ANO2: variants seen among roughly 807,000 people sequenced by gnomAD.
ANO2 encodes anoctamin-2.
A neutral mutation model predicts 124.2 loss-of-function variants in ANO2; 101 were observed. The observed-to-expected ratio is 0.81, with a 90% CI of 0.69 to 0.96. The LOEUF (loss-of-function observed/expected upper bound fraction) is 0.96, where lower values mean the gene tolerates loss of function less well. Ranked by LOEUF, ANO2 falls within the 40% of genes least tolerant of loss-of-function variation. The probability of loss-of-function intolerance (pLI) is 0.00; values close to 1 mark genes in which losing one functional copy is unlikely to be tolerated. For missense variants in ANO2, 1,293 were observed against 1,274.5 expected (o/e 1.01, Z -0.22); for synonymous variants, 486 against 482.5 (o/e 1.01, Z -0.09).
intron 3 of ANO2, among the ~76,000 whole-genome samples, chr12:5,887,845 T>G (rs562182846): frequency 9.9e-4 from 151 of 152,238 alleles, no homozygotes; most frequent in African/African-American, 3.6e-3. Context: ...TTTTCTTTTT[T>G]TTTTTTAGTG....
chr12:5,837,888 C>T (rs1954380822), intron 4 of ANO2, among the ~76,000 whole-genome samples: 1 of 151,616 alleles, frequency 6.6e-6, no homozygotes, highest in South Asian at 2.1e-4. Flanking sequence ...GAAATAGAGA[C>T]ACAAAAAACC....
intron 7 of ANO2, among the ~76,000 whole-genome samples, chr12:5,815,511 T>C (rs1218956928): frequency 6.6e-6 from 1 of 152,156 alleles, no homozygotes; most frequent in East Asian, 1.9e-4. Flanking sequence ...GTGGAGAATA[T>C]ATGTAGACAT....
intron 14 of ANO2, among the ~76,000 whole-genome samples, chr12:5,685,793 C>G (rs893035558): frequency 3.9e-5 from 5 of 127,746 alleles, no homozygotes; most frequent in African/African-American, 1.2e-4. Context: ...AACAACAAAA[C>G]AAAACAAAAA....
intron 23 of ANO2, among the ~76,000 whole-genome samples, chr12:5,568,038 C>A (rs1426038644): frequency 6.6e-6 from 1 of 151,728 alleles, no homozygotes; most frequent in East Asian, 1.9e-4. Context: ...ACACAGACTG[C>A]AATAAAAATT....
chr12:5,632,260 G>A (rs1207567543), intron 16 of ANO2, among the ~76,000 whole-genome samples: 1 of 151,892 alleles, frequency 6.6e-6, no homozygotes. Flanking sequence ...GGTTCCTGAT[G>A]GAGACCCAAC....
chr12:5,868,898 C>G (rs77064232), intron 3 of ANO2, among the ~76,000 whole-genome samples: 1,568 of 152,168 alleles, frequency 0.01, 27 homozygotes, highest in African/African-American at 0.036. Context: ...TGAGAAGGGA[C>G]CTAGGGAGTT....
chr12:5,835,872 C>A (rs1954297797), intron 4 of ANO2, among the ~76,000 whole-genome samples: 1 of 152,212 alleles, frequency 6.6e-6, no homozygotes, highest in Non-Finnish European at 1.5e-5. Flanking sequence ...GAAAGAAGAC[C>A]ACCTCACACT....
intron 1 of ANO2, among the ~76,000 whole-genome samples, chr12:5,931,291 C>T (rs996018892): frequency 6.6e-6 from 1 of 152,092 alleles, no homozygotes; most frequent in Non-Finnish European, 1.5e-5. Flanking sequence ...TCATGCCAGG[C>T]TCCAAGCACA....
At chr12:5,790,846 G>A (rs1311427922) in intron 10 of ANO2, among the ~76,000 whole-genome samples, 1 of 152,098 alleles carries the variant, frequency 6.6e-6, no homozygotes, top group Non-Finnish European at 1.5e-5. Context: ...CTGATGCAGG[G>A]ACTGACTCTT....
intron 3 of ANO2, among the ~76,000 whole-genome samples, chr12:5,916,347 G>C (rs1941373342): frequency 6.6e-6 from 1 of 151,734 alleles, no homozygotes; most frequent in Non-Finnish European, 1.5e-5. Context: ...AAAATAAAGT[G>C]CTAGAGAAAA....
chr12:5,602,920 C>G (rs1023590109), intron 19 of ANO2, among the ~76,000 whole-genome samples: 1 of 152,104 alleles, frequency 6.6e-6, no homozygotes, highest in Non-Finnish European at 1.5e-5. Flanking sequence ...ACTCCTATAC[C>G]CAGCCAAAGT....
At chr12:5,777,054 T>A (rs920637883) in intron 10 of ANO2, among the ~76,000 whole-genome samples, 1 of 152,084 alleles carries the variant, frequency 6.6e-6, no homozygotes, top group Admixed American at 6.5e-5. Context: ...TATGTGCAAA[T>A]ACACAAAGAA....
chr12:5,667,603 G>A (rs1211691082), intron 14 of ANO2, among the ~76,000 whole-genome samples: 1 of 152,098 alleles, frequency 6.6e-6, no homozygotes, highest in Non-Finnish European at 1.5e-5. Flanking sequence ...TTGTTACATA[G>A]GTAAACGTGT....
rs1032333886 is a variant in ANO2 at position 5,908,249 on chromosome 12, A to C, written c.534+12791T>G. On this transcript the variant is annotated intron_variant, in intron 3 of 24. Transcript: ENST00000682330. This position sits in a 1 kb window ranked among gnomAD's most constrained non-coding sequence, Gnocchi z 4.7. The stretch of plus-strand genomic sequence containing the variant: ...CACAGGTCCTCTCTGAGGCCTGAGA[A>C]GCCTTCACCCTCCAACGGCCTGTGG... Among the ~76,000 whole-genome samples, 3 of 152,246 alleles carry C rather than the reference A, an allele frequency of 2.0e-5. No homozygotes were observed. Among genetic ancestry groups the C allele is most frequent in the Non-Finnish European group, 2.9e-5 (2 of 68,038 alleles).
chr12:5,841,928 AG>A (rs1204429270), intron 4 of ANO2, among the ~76,000 whole-genome samples: 1 of 152,036 alleles, frequency 6.6e-6, no homozygotes, highest in Non-Finnish European at 1.5e-5. Context: ...GGAGTGCAGT[AG>A]TATGATTATA....
intron 14 of ANO2, among the ~76,000 whole-genome samples, chr12:5,685,050 T>C (rs1465624740): frequency 2.0e-5 from 3 of 152,108 alleles, no homozygotes; most frequent in African/African-American, 7.2e-5. Flanking sequence ...GAAGTCAGAG[T>C]TCTTTTTGTT....
At chr12:5,829,901 C>T (rs1954096622) in intron 6 of ANO2, among the ~76,000 whole-genome samples, 1 of 152,116 alleles carries the variant, frequency 6.6e-6, no homozygotes, top group Non-Finnish European at 1.5e-5. Flanking sequence ...ATTGAATGGG[C>T]TGGTGATATT....
Position 5,922,608 on chromosome 12 carries a change from C to CCCCCGACAA in ANO2, c.207+11_207+12insTTGTCGGGG. ...GGCCTATCCCCCCACCCCACCCCCG[C>CCCCCGACAA]CCAGTACTCACAGAGCTGCTGCGGG... On this transcript the variant is annotated intron_variant, in intron 2 of 24. Coordinates refer to ENST00000682330, the MANE Select transcript of ANO2 (RefSeq NM_001364791.2). The CCCCCGACAA allele has an allele frequency of 6.5e-7, 1 of 1,531,402 alleles. No individual in the cohort carries two copies. The highest frequency in any genetic ancestry group is 8.8e-7 in the Non-Finnish European group (1 of 1,142,004). 94.9% of individuals were successfully genotyped at this position (1,531,402 alleles called of 1,614,324 possible). A position where few individuals can be genotyped will look rare whatever the true frequency, so the allele number is the denominator to read the frequency against.
At chr12:5,821,599 G>A (rs1302431190) in intron 7 of ANO2, among the ~76,000 whole-genome samples, 1 of 152,212 alleles carries the variant, frequency 6.6e-6, no homozygotes, top group Non-Finnish European at 1.5e-5. Flanking sequence ...CACAGCGCAG[G>A]CCTCTAGGAT....
Sources: gnomAD v4.1 joint callset for allele counts (sites outside exome capture counted in the v4.1 genomes callset) on GRCh38, gnomAD v4.1.1 for gene constraint, Gnocchi (gnomAD v3.1) non-coding constraint, MANE v1.5 for transcripts, NCBI Gene and HGNC (gene_info 2026-07-23, HGNC 2026-07-21) for gene names.